HHIP: variants seen among roughly 807,000 people sequenced by gnomAD.
HHIP encodes the protein hedgehog interacting protein.
In HHIP, 12 loss-of-function variants were observed where a neutral mutation model predicts 74.0. The ratio of observed to expected loss-of-function variants is 0.16; its 90% CI spans 0.10 to 0.26. The LOEUF (loss-of-function observed/expected upper bound fraction) is 0.26. Ranked by LOEUF, HHIP falls within the 10% of genes least tolerant of loss-of-function variation. HHIP has a pLI of 1.00. For missense variants in HHIP, 788 were observed against 845.0 expected (o/e 0.93, Z 0.84); for synonymous variants, 309 against 311.6 (o/e 0.99, Z 0.09).
rs772594771 is a variant in HHIP, at chr4:144,707,194, T to G, written c.1091T>G (p.Phe364Cys). 1 of 1,614,096 alleles carries G rather than the reference T, an allele frequency of 6.2e-7. No homozygotes were observed. Among genetic ancestry groups the G allele is most frequent in the Non-Finnish European group, 8.5e-7 (1 of 1,179,996 alleles). The change falls in exon 6 of 13, where the codon TTT becomes TGT. Residue 364 changes from phenylalanine to cysteine, a missense_variant. By Grantham distance (205) the Phe-to-Cys change is radical. Transcript: ENST00000296575. ...CAACTGCTCTTTGGCCCTGACGGCT[T>G]TTTGTACATCATTCTTGGTGATGGG... ...GGQLLFGPDG[F>C]LYIILGDGMI...
chr4:144,701,356 A>G (rs991413439), intron 4 of HHIP, among the ~76,000 whole-genome samples: 4 of 150,518 alleles, frequency 2.7e-5, no homozygotes, highest in African/African-American at 9.8e-5. Flanking sequence ...TAGAGTGGAG[A>G]AAGCTCAGGT....
At chr4:144,684,406 T>C (rs1370633152) in intron 4 of HHIP, among the ~76,000 whole-genome samples, 1 of 150,442 alleles carries the variant, frequency 6.6e-6, no homozygotes, top group Non-Finnish European at 1.5e-5. Flanking sequence ...CTACAGGCGC[T>C]CGCCACCACG....
intron 1 of HHIP, among the ~76,000 whole-genome samples, chr4:144,647,906 C>T (rs1728310732): frequency 6.6e-6 from 1 of 151,972 alleles, no homozygotes. Context: ...ATTAAGAATT[C>T]CTCTGTTAGA....
At chr4:144,676,872 C>T (rs1009894295) in intron 4 of HHIP, among the ~76,000 whole-genome samples, 1 of 152,174 alleles carries the variant, frequency 6.6e-6, no homozygotes, top group Non-Finnish European at 1.5e-5. Context: ...ACAGGTGAAC[C>T]GGTAACTCCA....
At position 144,738,405 on chromosome 4, in the gene HHIP, C is replaced by G; in HGVS notation, c.*448C>G. 14 of 960,186 alleles carry G rather than the reference C, an allele frequency of 1.5e-5. No individual in the cohort carries two copies. Among genetic ancestry groups the G allele is most frequent in the Non-Finnish European group, 1.7e-5 (14 of 806,730 alleles). 59.5% of individuals were successfully genotyped at this position (960,186 alleles called of 1,614,324 possible). A position where few individuals can be genotyped will look rare whatever the true frequency, so the allele number is the denominator to read the frequency against. On this transcript the variant is annotated 3_prime_UTR_variant, in exon 13 of 13. Transcript: ENST00000296575. ...AAGGCAATATTTTTATATTAAAGTA[C>G]TATACTAGGAGAGAATGTTTCAGAA...
intron 10 of HHIP, among the ~76,000 whole-genome samples, chr4:144,716,147 C>T (rs550262927): frequency 2.3e-4 from 35 of 152,158 alleles, no homozygotes; most frequent in Non-Finnish European, 4.7e-4. Context: ...AATATTCAAA[C>T]AAACCTTAAC....
chr4:144,688,019 G>T (rs1344200197), intron 4 of HHIP, among the ~76,000 whole-genome samples: 1 of 151,762 alleles, frequency 6.6e-6, no homozygotes, highest in African/African-American at 2.4e-5. Flanking sequence ...TCTAGCAACT[G>T]GTCGAACCAG....
intron 4 of HHIP, 91 bp downstream of exon 4, chr4:144,659,929 A>G: frequency 1.1e-6 from 1 of 947,596 alleles, no homozygotes; most frequent in East Asian, 2.5e-5. Context: ...TCTTTGTAAT[A>G]AAAGAAAGAA....
rs982047206 is a variant in HHIP, at chr4:144,665,688, C to A, written c.831+5850C>A. Among the ~76,000 whole-genome samples, 5 of 152,136 alleles carry A rather than the reference C, an allele frequency of 3.3e-5. No homozygotes were observed. The South Asian group carries it at 1.0e-3, about 31-fold the overall frequency. Reference sequence around the variant, plus strand: ...TGAATTTGCTATTCTATTGATAAAACCTTTCAATAAGTATAAGTGTGCATT... The same window carrying A: ...TGAATTTGCTATTCTATTGATAAAAACTTTCAATAAGTATAAGTGTGCATT... On this transcript the variant is annotated intron_variant, in intron 4 of 12. Coordinates refer to ENST00000296575, the MANE Select transcript of HHIP (RefSeq NM_022475.3).
chr4:144,653,757 T>C (rs1728488158), intron 2 of HHIP, among the ~76,000 whole-genome samples: 1 of 152,192 alleles, frequency 6.6e-6, no homozygotes, highest in African/African-American at 2.4e-5. Context: ...GTGTAGACTT[T>C]TGTATTTTTA....
intron 4 of HHIP, among the ~76,000 whole-genome samples, chr4:144,684,720 C>T (rs115912429): frequency 1.4e-3 from 212 of 152,204 alleles, no homozygotes; most frequent in African/African-American, 4.8e-3. Context: ...TTTCCTAGGG[C>T]TTTGAATTTT....
chr4:144,707,183 C>T lies in HHIP; in HGVS notation c.1080C>T (p.Gly360=). 1 of 1,613,856 alleles carries T rather than the reference C, an allele frequency of 6.2e-7. No individual in the cohort carries two copies. Among genetic ancestry groups the T allele is most frequent in the Non-Finnish European group, 8.5e-7 (1 of 1,179,860 alleles). The part of the protein sequence containing the change: ...RKHLGGQLLF[G]PDGFLYIILG... Reference sequence around the variant, plus strand: ...ATCTGGGAGGACAACTGCTCTTTGGCCCTGACGGCTTTTTGTACATCATTC... The same window carrying T: ...ATCTGGGAGGACAACTGCTCTTTGGTCCTGACGGCTTTTTGTACATCATTC... Residue 360 remains glycine, a synonymous_variant, in exon 6 of 13, where the codon GGC becomes GGT. Transcript: ENST00000296575.
At chr4:144,728,853 C>T (rs987569803) in intron 11 of HHIP, among the ~76,000 whole-genome samples, 14 of 152,020 alleles carry the variant, frequency 9.2e-5, no homozygotes, top group African/African-American at 2.2e-4. Flanking sequence ...TATGATTCCT[C>T]GGCGAAATTT....
chr4:144,717,082 A>G (rs1730474995), intron 10 of HHIP, among the ~76,000 whole-genome samples: 2 of 152,054 alleles, frequency 1.3e-5, no homozygotes, highest in Non-Finnish European at 2.9e-5. Flanking sequence ...AAATAAAGAT[A>G]TATAATCCTG....
intron 7 of HHIP, among the ~76,000 whole-genome samples, chr4:144,710,043 C>T (rs913314142): frequency 6.6e-6 from 1 of 152,072 alleles, no homozygotes; most frequent in African/African-American, 2.4e-5. Context: ...TAGTATCACC[C>T]AGAGAGTTTC....
chr4:144,661,798 G>T (rs907771743), intron 4 of HHIP, among the ~76,000 whole-genome samples: 1 of 152,078 alleles, frequency 6.6e-6, no homozygotes, highest in South Asian at 2.1e-4. Context: ...ACAGTATTCT[G>T]TGTTTGTCAA....
chr4:144,727,239 G>A (rs1224399828), intron 11 of HHIP, among the ~76,000 whole-genome samples: 5 of 152,102 alleles, frequency 3.3e-5, no homozygotes, highest in Non-Finnish European at 5.9e-5. Flanking sequence ...ATCCTAACAC[G>A]ATGGAGAGAG....
chr4:144,730,159 G>C (rs566534506), intron 11 of HHIP, among the ~76,000 whole-genome samples: 2 of 152,230 alleles, frequency 1.3e-5, no homozygotes, highest in African/African-American at 4.8e-5. Context: ...AATAACTTAT[G>C]CTTCTCAACT....
intron 6 of HHIP, 179 bp from the exon 7 acceptor site, chr4:144,707,989 C>A: frequency 1.6e-6 from 1 of 623,794 alleles, no homozygotes; most frequent in Non-Finnish European, 2.8e-6. Flanking sequence ...ACAATCCTCT[C>A]ACCTTGGCTT....
Sources: allele counts gnomAD v4.1 joint callset (sites outside exome capture counted in the v4.1 genomes callset), GRCh38; gene constraint gnomAD v4.1.1; transcripts MANE v1.5; gene names NCBI Gene and HGNC (gene_info 2026-07-23, HGNC 2026-07-21).